SNX1: variants seen among roughly 807,000 people sequenced by gnomAD.
The protein encoded by SNX1 is sorting nexin 1.
In SNX1, 36 loss-of-function variants were observed where a neutral mutation model predicts 71.8. That is an observed-to-expected ratio of 0.50 (90% confidence interval 0.38 to 0.66). SNX1 has a LOEUF of 0.66. Among genes scored for constraint, SNX1 ranks in the 30% least tolerant of loss-of-function variants. SNX1 has a pLI of 0.00. For synonymous variants in SNX1, 254 were observed against 240.7 expected, an observed-to-expected ratio of 1.06 and a Z score of -0.51; for missense variants, 612 against 646.7, an observed-to-expected ratio of 0.95 and a Z score of 0.58.
intron 1 of SNX1, among the ~76,000 whole-genome samples, chr15:64,103,957 A>G (rs1452616207): frequency 6.6e-6 from 1 of 152,240 alleles, no homozygotes; most frequent in Non-Finnish European, 1.5e-5. Context: ...TGTTTTCTAC[A>G]GGGATATTGC....
chr15:64,122,660 G>C (rs1427164695), intron 4 of SNX1, among the ~76,000 whole-genome samples: 1 of 152,086 alleles, frequency 6.6e-6, no homozygotes, highest in African/African-American at 2.4e-5. Flanking sequence ...GGTTTGATGT[G>C]GGAAGGAATC....
intron 11 of SNX1, among the ~76,000 whole-genome samples, chr15:64,132,633 T>G (rs1238397142): frequency 6.6e-6 from 1 of 152,148 alleles, no homozygotes; most frequent in Non-Finnish European, 1.5e-5. Context: ...GCACCTACAC[T>G]CTAAGGGCCT....
At position 64,137,788 on chromosome 15, in the gene SNX1, C is replaced by T. The variant is rs918592725; in HGVS notation, c.*170C>T. On this transcript the variant is annotated 3_prime_UTR_variant, in exon 15 of 15. Coordinates refer to ENST00000559844, the MANE Select transcript of SNX1 (RefSeq NM_003099.5). ...TTACTCTAACCGTTATTTCATTTAG[C>T]TTCCATATATATTTTCTTACCTAAG... The T allele has an allele frequency of 1.0e-5, 15 of 1,436,874 alleles. No homozygotes were observed. Among genetic ancestry groups the T allele is most frequent in the African/African-American group, 1.0e-4 (7 of 69,706 alleles). 89.0% of individuals were successfully genotyped at this position (1,436,874 alleles called of 1,614,324 possible).
intron 1 of SNX1, 63 bp downstream of exon 1, chr15:64,096,235 C>G (rs2080899052): frequency 2.6e-6 from 4 of 1,516,972 alleles, no homozygotes; most frequent in Non-Finnish European, 3.5e-6. Flanking sequence ...AGAGGCTAAG[C>G]GAGAATCGGG....
chr15:64,140,884 C>T lies in SNX1; in HGVS notation c.*3266C>T, dbSNP rs771877565. On this transcript the variant is annotated 3_prime_UTR_variant, in exon 15 of 15. Coordinates refer to ENST00000559844, the MANE Select transcript of SNX1 (RefSeq NM_003099.5). ...ACAGGTGTGAGCCACCATACCCAGC[C>T]AGAGAATGTTATTTAGAAACCAAGA... 10 of 152,132 alleles carry T rather than the reference C, an allele frequency of 6.6e-5. No homozygotes were observed. Among genetic ancestry groups the T allele is most frequent in the African/African-American group, 9.7e-5 (4 of 41,402 alleles). The allele number at this position is 152,132 out of a possible 1,614,324, so 9.4% of individuals were successfully genotyped here. A position where few individuals can be genotyped will look rare whatever the true frequency, so the allele number is the denominator to read the frequency against.
rs1174267795 is a variant in SNX1, at chr15:64,126,076, A to G, written c.511-3A>G. 5 of 1,614,084 alleles carry G rather than the reference A, an allele frequency of 3.1e-6. No homozygotes were observed. The highest frequency in any genetic ancestry group is 1.1e-5 in the South Asian group (1 of 91,070). On this transcript the variant is annotated splice_region_variant and splice_polypyrimidine_tract_variant and intron_variant, in intron 5 of 14. Coordinates refer to ENST00000559844, the MANE Select transcript of SNX1 (RefSeq NM_003099.5). The stretch of plus-strand genomic sequence containing the variant: ...TTGCCTTGTGTTTTTTCCTGTCCCC[A>G]AGACAAGCTTACCATTGTTCAGAAG...
At chr15:64,119,918 T>C (rs1353557486) in intron 4 of SNX1, among the ~76,000 whole-genome samples, 3 of 152,190 alleles carry the variant, frequency 2.0e-5, no homozygotes, top group Non-Finnish European at 4.4e-5. Context: ...ACACATACTT[T>C]TGATAACCTT....
chr15:64,118,290 C>T (rs1208277986), intron 3 of SNX1, 46 bp downstream of exon 3: 1 of 1,573,214 alleles, frequency 6.4e-7, no homozygotes, highest in Non-Finnish European at 8.6e-7. Context: ...ATATTGAGGA[C>T]TGTGTACGGC....
intron 13 of SNX1, among the ~76,000 whole-genome samples, 196 bp downstream of exon 13, chr15:64,136,606 C>T (rs1011553194): frequency 7.9e-5 from 12 of 152,120 alleles, no homozygotes; most frequent in Non-Finnish European, 1.5e-5. Flanking sequence ...GGCTGGACCA[C>T]AGCAGTTAAA....
At chr15:64,137,070 G>A (rs2081366930) in intron 14 of SNX1, 138 bp downstream of exon 14, 2 of 643,994 alleles carry the variant, frequency 3.1e-6, no homozygotes, top group South Asian at 3.9e-5. Context: ...TTGAAAATAG[G>A]TCCTGCTGCT....
Position 64,136,423 on chromosome 15 carries a change from A to G in SNX1, c.1446+13A>G. ...GATACGGTTTGAGGTGAGATAGAAA[A>G]TCCTACTTCTCACTTAGCATGCAGT... is the stretch of plus-strand genomic sequence containing the variant. On this transcript the variant is annotated intron_variant, in intron 13 of 14. Transcript: ENST00000559844. 1.9e-6 allele frequency: 3 copies of G among 1,608,472 alleles called. No individual in the cohort carries two copies. The highest frequency in any genetic ancestry group is 1.7e-4 in the Middle Eastern group (1 of 6,054).
chr15:64,121,882 TC>T (rs61214900), intron 4 of SNX1, among the ~76,000 whole-genome samples: 11,291 of 152,244 alleles, frequency 0.074, 1,304 homozygotes, highest in African/African-American at 0.25. Flanking sequence ...TGCTTCTTGT[TC>T]CTGCACACGT....
chr15:64,107,070 T>G (rs2081030073), intron 1 of SNX1, among the ~76,000 whole-genome samples: 1 of 152,216 alleles, frequency 6.6e-6, no homozygotes, highest in East Asian at 1.9e-4. Context: ...GAGGCCCATT[T>G]ATGATCTGGG....
intron 1 of SNX1, among the ~76,000 whole-genome samples, chr15:64,109,017 T>C (rs534258950): frequency 6.9e-6 from 1 of 144,408 alleles, no homozygotes; most frequent in South Asian, 2.2e-4. Context: ...AGAGAGAAAG[T>C]TGGGGAGGGG....
Position 64,137,743 on chromosome 15 carries a change from C to G in SNX1, c.*125C>G. Reference sequence around the variant, plus strand: ...GGACTTAACCCCTTCCTCCCTGTCCCCACGACCAACTGTCCCCAGTTACTC... The same window carrying G: ...GGACTTAACCCCTTCCTCCCTGTCCGCACGACCAACTGTCCCCAGTTACTC... On this transcript the variant is annotated 3_prime_UTR_variant, in exon 15 of 15. Coordinates refer to ENST00000559844, the MANE Select transcript of SNX1 (RefSeq NM_003099.5). 1 of 1,517,960 alleles carries G rather than the reference C, an allele frequency of 6.6e-7. No individual in the cohort carries two copies. Among genetic ancestry groups the G allele is most frequent in the Non-Finnish European group, 8.9e-7 (1 of 1,127,970 alleles). The allele number at this position is 1,517,960 out of a possible 1,614,324, so 94.0% of individuals were successfully genotyped here. A position where few individuals can be genotyped will look rare whatever the true frequency, so the allele number is the denominator to read the frequency against.
In SNX1 at chr15:64,112,625, G is replaced by T. The variant is rs2081088097; in HGVS notation, c.212G>T (p.Gly71Val). ...ACATCCCTTCTTCCCATCAACAATG[G>T]CTCCAAAGAAAATGGGATCCATGAA... ...ITTSLLPINN[G>V]SKENGIHEEQ... is the part of the protein sequence containing the mutation. Residue 71 changes from glycine (G) to valine (V), a missense_variant, in exon 2 of 15, where the codon GGC becomes GTC. This residue lies in a region of SNX1 where 316 missense variants were observed against 284.9 expected (regional missense o/e 1.11). Coordinates refer to ENST00000559844, the MANE Select transcript of SNX1 (RefSeq NM_003099.5). The T allele has an allele frequency of 1.2e-6, 2 of 1,613,330 alleles. No individual in the cohort carries two copies. The highest frequency in any genetic ancestry group is 1.7e-6 in the Non-Finnish European group (2 of 1,179,624).
intron 1 of SNX1, 25 bp downstream of exon 1, chr15:64,096,197 C>T (rs2080898320): frequency 6.5e-7 from 1 of 1,544,638 alleles, no homozygotes; most frequent in Non-Finnish European, 8.7e-7. Flanking sequence ...CTCGGGGTAG[C>T]AGGCGGGAGG....
rs1174636500 is a variant in SNX1 at position 64,104,270 on chromosome 15, G to GC, written c.159+8098_159+8099insC. ...TATAGAACACCAGTTTTGGAGTAAAGGGTTTTTTTTTTTTTTTTTTGGGAC... is the reference window on the plus strand; with the variant it reads ...TATAGAACACCAGTTTTGGAGTAAAGCGGTTTTTTTTTTTTTTTTTTGGGAC... On this transcript the variant is annotated intron_variant, in intron 1 of 14. Transcript: ENST00000559844. Among the ~76,000 whole-genome samples the GC allele has an allele frequency of 9.5e-4, 100 of 105,568 alleles. 1 individual carries two copies. The East Asian group carries it at 0.024, about 25-fold the overall frequency. The allele number at this position is 105,568 out of a possible 152,430, so 69.3% of individuals were successfully genotyped here.
At position 64,138,050 on chromosome 15, in the gene SNX1, G is replaced by A. The variant is rs2081378660; in HGVS notation, c.*432G>A. On this transcript the variant is annotated 3_prime_UTR_variant, in exon 15 of 15. Transcript: ENST00000559844. ...TGGTGGTTTTTGCTTAGGCTGGGGAGCAGTTGGGAATCAGGTCTGGAATAC... is the reference window on the plus strand; with the variant it reads ...TGGTGGTTTTTGCTTAGGCTGGGGAACAGTTGGGAATCAGGTCTGGAATAC... The A allele has an allele frequency of 3.3e-6, 5 of 1,527,024 alleles. No individual in the cohort carries two copies. Among genetic ancestry groups the A allele is most frequent in the Admixed American group, 2.1e-5 (1 of 48,310 alleles). The allele number at this position is 1,527,024 out of a possible 1,614,324, so 94.6% of individuals were successfully genotyped here.
Sources: gnomAD v4.1 joint callset for allele counts (sites outside exome capture counted in the v4.1 genomes callset) on GRCh38, gnomAD v4.1.1 for gene constraint, gnomAD v4.1.1 regional missense constraint, MANE v1.5 for transcripts, NCBI Gene and HGNC (gene_info 2026-07-23, HGNC 2026-07-21) for gene names.